The following CCDC73 variants were observed in gnomAD, a reference collection of about 807,000 sequenced individuals.
CCDC73 encodes coiled-coil domain-containing protein 73.
A neutral mutation model predicts 116.5 loss-of-function variants in CCDC73; 95 were observed. That is an observed-to-expected ratio of 0.82 (90% CI 0.69 to 0.97). CCDC73 has a LOEUF of 0.97. Ranked by LOEUF, CCDC73 falls within the 50% of genes least tolerant of loss-of-function variation. CCDC73 has a pLI of 0.00. For missense variants in CCDC73, 1,066 were observed against 1,206.8 expected (o/e 0.88, Z 1.73); for synonymous variants, 398 against 401.3 (o/e 0.99, Z 0.10).
rs113525372 is a variant in CCDC73 at position 32,623,512 on chromosome 11, C to T, written c.1186-7383G>A. Among the ~76,000 whole-genome samples the T allele has an allele frequency of 7.3e-3, 1,116 of 152,090 alleles. 17 individuals carry two copies. The highest frequency in any genetic ancestry group is 0.025 in the African/African-American group (1,055 of 41,462). On this transcript the variant is annotated intron_variant, in intron 14 of 17. Transcript: ENST00000335185. ...ACCACCAGTGTGCACCGCCATGCCC[C>T]GCTAATTTTTAAAAAAATTTTGTAG...
the CCDC73 span, among the ~76,000 whole-genome samples, chr11:32,804,744 A>G: frequency 1.7e-4 from 26 of 152,228 alleles, no homozygotes; most frequent in Non-Finnish European, 2.6e-4. Flanking sequence ...AAAAACAAAC[A>G]AACAAAAAAG....
chr11:32,678,917 C>T (rs1009932312), intron 7 of CCDC73, among the ~76,000 whole-genome samples: 2 of 151,184 alleles, frequency 1.3e-5, no homozygotes, highest in Non-Finnish European at 2.9e-5. Context: ...TATACACACA[C>T]ACACAGACAC....
chr11:32,676,813 G>C (rs1330102205), intron 7 of CCDC73, among the ~76,000 whole-genome samples: 3 of 152,116 alleles, frequency 2.0e-5, no homozygotes, highest in Non-Finnish European at 4.4e-5. Context: ...AAATGACAAG[G>C]ATATCTCTCA....
intron 14 of CCDC73, among the ~76,000 whole-genome samples, chr11:32,626,364 G>A (rs1466600758): frequency 1.3e-5 from 2 of 151,972 alleles, no homozygotes; most frequent in African/African-American, 4.8e-5. Flanking sequence ...ATGCTCATGG[G>A]TAGGAATAAT....
intron 6 of CCDC73, among the ~76,000 whole-genome samples, chr11:32,694,589 T>A (rs1162545677): frequency 6.6e-6 from 1 of 152,058 alleles, no homozygotes; most frequent in Non-Finnish European, 1.5e-5. Context: ...GAACTTAAAG[T>A]ATAATTAAAA....
intron 4 of CCDC73, 52 bp from the exon 5 acceptor site, chr11:32,700,878 C>CCCT: frequency 2.4e-6 from 2 of 818,756 alleles, no homozygotes; most frequent in Non-Finnish European, 3.7e-6. Flanking sequence ...TAACAGTGAT[C>CCCT]TATACTGGTC....
At chr11:32,776,950 TATATATATATAC>T (rs1565099239) in intron 1 of CCDC73, among the ~76,000 whole-genome samples, 46 of 28,448 alleles carry the variant, frequency 1.6e-3, no homozygotes, top group East Asian at 0.013. Flanking sequence ...TATATATATA[TATATATATATAC>T]ACACACACAC....
At chr11:32,801,893 G>A in the CCDC73 span, among the ~76,000 whole-genome samples, 4 of 152,304 alleles carry the variant, frequency 2.6e-5, no homozygotes, top group African/African-American at 7.2e-5. Context: ...CATAATGTGT[G>A]TAATCCATGG....
chr11:32,779,828 A>C (rs1235312216), intron 1 of CCDC73, among the ~76,000 whole-genome samples: 1 of 152,232 alleles, frequency 6.6e-6, no homozygotes, highest in Non-Finnish European at 1.5e-5. Flanking sequence ...TATCAGGAAA[A>C]GGGAAGAAGG....
At chr11:32,604,330 T>C (rs1218643545) in intron 17 of CCDC73, 1 of 152,194 alleles carries the variant, frequency 6.6e-6, no homozygotes, top group African/African-American at 2.4e-5. Context: ...CTGGTCTCTC[T>C]TAACTCTTGG....
chr11:32,658,703 A>G (rs1357631105), intron 9 of CCDC73, among the ~76,000 whole-genome samples: 1 of 152,220 alleles, frequency 6.6e-6, no homozygotes, highest in African/African-American at 2.4e-5. Flanking sequence ...CTAAGAGGCT[A>G]TTATATTAAT....
chr11:32,825,640 A>G, the CCDC73 span, among the ~76,000 whole-genome samples: 1 of 152,184 alleles, frequency 6.6e-6, no homozygotes, highest in Non-Finnish European at 1.5e-5. Flanking sequence ...CGTCAATTGC[A>G]TAGCTAGAAA....
intron 2 of CCDC73, among the ~76,000 whole-genome samples, chr11:32,736,926 C>T (rs1222008522): frequency 1.4e-5 from 2 of 139,820 alleles, no homozygotes; most frequent in African/African-American, 5.4e-5. Context: ...AAAGCAAACA[C>T]CACATGTTCT....
chr11:32,670,576 G>C (rs1856029625), intron 9 of CCDC73, among the ~76,000 whole-genome samples: 1 of 151,920 alleles, frequency 6.6e-6, no homozygotes, highest in Non-Finnish European at 1.5e-5. Flanking sequence ...ATCTGTTCTA[G>C]GTTCACTCCT....
chr11:32,613,634 G>GT lies in CCDC73; in HGVS notation c.2683dup (p.Thr895AsnfsTer2), dbSNP rs764792181. The GT allele has an allele frequency of 1.9e-6, 3 of 1,613,954 alleles. No individual in the cohort carries two copies. Among genetic ancestry groups the GT allele is most frequent in the Non-Finnish European group, 2.5e-6 (3 of 1,179,932 alleles). On this transcript the variant is annotated frameshift_variant, in exon 16 of 18. Transcript: ENST00000335185. LOFTEE classifies it high-confidence loss of function. ...ATTCATGTATACTGGAGTTTTCTCAGTTTTTTTATCTGAAGTTGAAAGATC... is the reference window on the plus strand; with the variant it reads ...ATTCATGTATACTGGAGTTTTCTCAGTTTTTTTTATCTGAAGTTGAAAGATC...
At chr11:32,742,123 G>A (rs1850193261) in intron 2 of CCDC73, among the ~76,000 whole-genome samples, 1 of 152,134 alleles carries the variant, frequency 6.6e-6, no homozygotes, top group Non-Finnish European at 1.5e-5. Flanking sequence ...AAACATACGT[G>A]TGCATGTGTC....
chr11:32,731,107 C>T (rs760392287), intron 2 of CCDC73, among the ~76,000 whole-genome samples: 13 of 152,198 alleles, frequency 8.5e-5, no homozygotes, highest in South Asian at 2.1e-4. Flanking sequence ...TCATAGCAAA[C>T]GACACACCAG....
intron 1 of CCDC73, among the ~76,000 whole-genome samples, chr11:32,773,488 A>T (rs938528361): frequency 2.6e-5 from 4 of 152,210 alleles, no homozygotes; most frequent in Non-Finnish European, 5.9e-5. Context: ...ATACATTAAA[A>T]ATTGAATGGG....
intron 9 of CCDC73, among the ~76,000 whole-genome samples, chr11:32,668,797 C>T (rs935442885): frequency 5.3e-5 from 8 of 151,816 alleles, no homozygotes; most frequent in African/African-American, 1.7e-4. Context: ...CCAATACTGC[C>T]AAAATAAAGG....
Sources: gnomAD v4.1 joint callset for allele counts (sites outside exome capture counted in the v4.1 genomes callset) on GRCh38, gnomAD v4.1.1 for gene constraint, MANE v1.5 for transcripts, NCBI Gene and HGNC (gene_info 2026-07-23, HGNC 2026-07-21) for gene names.